The following BBS7 variants were observed in gnomAD, a reference collection of about 807,000 sequenced individuals.
The protein encoded by BBS7 is Bardet-Biedl syndrome 7, also known as BBSome complex member BBS7.
A neutral mutation model predicts 90.3 loss-of-function variants in BBS7; 50 were observed. That is an observed-to-expected ratio of 0.55 (90% CI 0.44 to 0.70). The LOEUF (loss-of-function observed/expected upper bound fraction) is 0.70, where lower values mean the gene tolerates loss of function less well. Among genes scored for constraint, BBS7 ranks in the 30% least tolerant of loss-of-function variants. The pLI is 0.00. For synonymous variants in BBS7, 235 were observed against 287.4 expected (o/e 0.82, Z 1.85); for missense variants, 729 against 838.9 (o/e 0.87, Z 1.62).
At chr4:121,869,349 T>A (rs886717105) in intron 1 of BBS7, among the ~76,000 whole-genome samples, 1 of 152,208 alleles carries the variant, frequency 6.6e-6, no homozygotes, top group Non-Finnish European at 1.5e-5. Context: ...ACACCAGTTC[T>A]GGAGTCCGAG....
intron 3 of BBS7, 92 bp from the exon 4 acceptor site, chr4:121,861,771 G>A: frequency 7.8e-7 from 1 of 1,285,842 alleles, no homozygotes; most frequent in Non-Finnish European, 1.1e-6. Context: ...TGTTAAATTT[G>A]CAAAATATTA....
intron 8 of BBS7, among the ~76,000 whole-genome samples, chr4:121,851,715 A>G (rs1180911012): frequency 6.6e-6 from 1 of 152,200 alleles, no homozygotes; most frequent in African/African-American, 2.4e-5. Flanking sequence ...TGATTAATCA[A>G]CCATCTACCA....
Position 121,870,443 on chromosome 4 carries a change from T to C in BBS7, c.-130A>G. 4 of 1,066,930 alleles carry C rather than the reference T, an allele frequency of 3.7e-6. No individual in the cohort carries two copies. In the South Asian group the frequency reaches 5.3e-5, roughly 14 times the overall value. 66.1% of individuals were successfully genotyped at this position (1,066,930 alleles called of 1,614,324 possible). A position where few individuals can be genotyped will look rare whatever the true frequency, so the allele number is the denominator to read the frequency against. On this transcript the variant is annotated 5_prime_UTR_variant, in exon 1 of 19. Transcript: ENST00000264499. ...AAAAGCCAGCCCCAGCTACCGCGCCTAGGTCCTGGGCTGCACAGGCGGGGC... is the reference window on the plus strand; with the variant it reads ...AAAAGCCAGCCCCAGCTACCGCGCCCAGGTCCTGGGCTGCACAGGCGGGGC...
intron 15 of BBS7, among the ~76,000 whole-genome samples, chr4:121,830,285 C>T (rs934213058): frequency 6.6e-6 from 1 of 152,160 alleles, no homozygotes; most frequent in African/African-American, 2.4e-5. Context: ...CCTAAAATTC[C>T]AGCTACTCAG....
chr4:121,866,172 T>C (rs954857701), intron 2 of BBS7, among the ~76,000 whole-genome samples: 2 of 152,150 alleles, frequency 1.3e-5, no homozygotes, highest in Non-Finnish European at 2.9e-5. Context: ...CTATAGATTG[T>C]CTTTTCACTC....
intron 11 of BBS7, among the ~76,000 whole-genome samples, chr4:121,844,205 T>C (rs1046472472): frequency 2.0e-5 from 3 of 152,224 alleles, no homozygotes; most frequent in African/African-American, 7.2e-5. Context: ...TACAATCACC[T>C]GCTTTTTTCT....
intron 18 of BBS7, among the ~76,000 whole-genome samples, chr4:121,827,078 A>G (rs1724951011): frequency 6.6e-6 from 1 of 152,172 alleles, no homozygotes; most frequent in African/African-American, 2.4e-5. Flanking sequence ...TTAAGTCAAG[A>G]TTTTGCTGTC....
At chr4:121,867,389 C>T (rs186085038) in intron 2 of BBS7, among the ~76,000 whole-genome samples, 2 of 152,220 alleles carry the variant, frequency 1.3e-5, no homozygotes, top group South Asian at 4.1e-4. Flanking sequence ...ACTCTCCTTT[C>T]CAATCTGGAT....
chr4:121,827,236 C>G (rs1484714614), intron 18 of BBS7, among the ~76,000 whole-genome samples: 2 of 152,168 alleles, frequency 1.3e-5, no homozygotes, highest in Non-Finnish European at 2.9e-5. Flanking sequence ...TTAAATATAG[C>G]TACAGTTTGT....
Position 121,848,909 on chromosome 4 carries a change from G to A in BBS7, c.869C>T (p.Thr290Ile), listed in dbSNP as rs1220596256. The change falls in exon 9 of 19, where the codon ACA becomes ATA. Residue 290 changes from threonine to isoleucine, a missense_variant. By Grantham distance (89) the Thr-to-Ile change is moderately conservative. Transcript: ENST00000264499. ...TCCTACACAACCACCCTGGATAGAT[G>A]TGACGCTTTCAGACAACATCTAAAA... Reference protein sequence around the residue: ...RFDQMLSESVTSIQGGCVGKD... With the variant: ...RFDQMLSESVISIQGGCVGKD... The A allele has an allele frequency of 6.2e-7, 1 of 1,613,734 alleles. No individual in the cohort carries two copies. Among genetic ancestry groups the A allele is most frequent in the East Asian group, 2.2e-5 (1 of 44,872 alleles).
intron 18 of BBS7, 50 bp downstream of exon 18, chr4:121,828,096 T>C (rs777109093): frequency 2.5e-6 from 4 of 1,609,462 alleles, no homozygotes; most frequent in Non-Finnish European, 2.5e-6. Context: ...CCTTGGGAAA[T>C]AGCCAGTTGA....
At chr4:121,858,652 T>C (rs979798172) in intron 5 of BBS7, 1 of 231,304 alleles carries the variant, frequency 4.3e-6, no homozygotes, top group Admixed American at 5.3e-5. Context: ...TTTAATTTGA[T>C]TTTTGGGGAA....
At chr4:121,841,693 G>A (rs1463108009) in intron 12 of BBS7, among the ~76,000 whole-genome samples, 1 of 151,944 alleles carries the variant, frequency 6.6e-6, no homozygotes, top group Non-Finnish European at 1.5e-5. Flanking sequence ...CATTGTCCTA[G>A]AAAATATATT....
intron 3 of BBS7, among the ~76,000 whole-genome samples, chr4:121,862,727 C>G (rs1031449940): frequency 2.6e-5 from 4 of 152,124 alleles, no homozygotes; most frequent in African/African-American, 7.2e-5. Flanking sequence ...CAAGAAATTG[C>G]AGAGACCTCA....
At chr4:121,835,679 C>CA (rs1206082952) in intron 13 of BBS7, among the ~76,000 whole-genome samples, 211 of 151,948 alleles carry the variant, frequency 1.4e-3, no homozygotes, top group African/African-American at 5.0e-3. Flanking sequence ...AGAAAGAAAA[C>CA]AAAAAATAGA....
chr4:121,870,409 G>T lies in BBS7; in HGVS notation c.-96C>A. ...CTCCGACCCAGTCAGAAGGCTGCCC[G>T]CGCCCCTCAAAAGCCAGCCCCAGCT... is the stretch of plus-strand genomic sequence containing the variant. On this transcript the variant is annotated 5_prime_UTR_variant, in exon 1 of 19. Coordinates refer to ENST00000264499, the MANE Select transcript of BBS7 (RefSeq NM_176824.3). 6.8e-7 allele frequency: 1 copy of T among 1,467,412 alleles called. No homozygotes were observed. The highest frequency in any genetic ancestry group is 9.5e-7 in the Non-Finnish European group (1 of 1,054,520). 90.9% of individuals were successfully genotyped at this position (1,467,412 alleles called of 1,614,324 possible).
intron 2 of BBS7, among the ~76,000 whole-genome samples, chr4:121,866,982 G>A (rs925838539): frequency 3.9e-5 from 6 of 152,092 alleles, no homozygotes; most frequent in African/African-American, 1.2e-4. Context: ...TTGGTATTTC[G>A]ATAGAGATTG....
At position 121,859,009 on chromosome 4, in the gene BBS7, C is replaced by G. The variant is rs377607757; in HGVS notation, c.511G>C (p.Val171Leu). Residue 171 changes from valine (V) to leucine (L), a missense_variant, in exon 5 of 19, where the codon GTG becomes CTG. Val to Leu is a conservative substitution (Grantham distance 32). Coordinates refer to ENST00000264499, the MANE Select transcript of BBS7 (RefSeq NM_176824.3). ...ACAGCAACCTGTAAAACTCTGAGCA[C>G]TCTGTCCTGGCAGGCCAATACAGGT... ...ITPVLACQDR[V>L]LRVLQGSDVM... 8 of 1,613,694 alleles carry G rather than the reference C, an allele frequency of 5.0e-6. No homozygotes were observed. The African/African-American group carries it at 1.1e-4, about 22-fold the overall frequency.
At chr4:121,862,662 G>C (rs1045171309) in intron 3 of BBS7, among the ~76,000 whole-genome samples, 4 of 152,080 alleles carry the variant, frequency 2.6e-5, no homozygotes, top group Non-Finnish European at 4.4e-5. Flanking sequence ...TTTCCTGCTG[G>C]CTTTGATGAA....
Sources: allele counts gnomAD v4.1 joint callset (sites outside exome capture counted in the v4.1 genomes callset), GRCh38; gene constraint gnomAD v4.1.1; transcripts MANE v1.5; gene names NCBI Gene and HGNC (gene_info 2026-07-23, HGNC 2026-07-21).